Variants in CCDC88A observed in about 807,000 individuals in gnomAD.
CCDC88A encodes the protein girdin.
Under a neutral mutation model 234.3 loss-of-function variants are expected in CCDC88A, and 54 were observed. That is an observed-to-expected ratio of 0.23 (90% CI 0.19 to 0.29). The LOEUF is 0.29. Among genes scored for constraint, CCDC88A ranks in the 10% least tolerant of loss-of-function variants. The probability of loss-of-function intolerance (pLI) is 1.00; values close to 1 mark genes in which losing one functional copy is unlikely to be tolerated. For synonymous variants in CCDC88A, 753 were observed against 737.8 expected, an observed-to-expected ratio of 1.02 and a Z score of -0.33; for missense variants, 1,832 against 2,123.4, an observed-to-expected ratio of 0.86 and a Z score of 2.70.
intron 9 of CCDC88A, chr2:55,348,981 C>A (rs1373253159): frequency 6.6e-6 from 1 of 152,122 alleles, no homozygotes; most frequent in Non-Finnish European, 1.5e-5. Flanking sequence ...ACACTAACCC[C>A]AAATAAAAAT....
intron 8 of CCDC88A, 91 bp from the exon 9 acceptor site, chr2:55,349,690 T>A: frequency 1.2e-6 from 1 of 816,824 alleles, no homozygotes. Flanking sequence ...CATCACTAAA[T>A]AACTAGTTGG....
Position 55,297,284 on chromosome 2 carries a change from AAT to A in CCDC88A, c.4826-763_4826-762del, listed in dbSNP as rs70949099. ...GTGTATTTTTATATATATTATATAT[AAT>A]ATATATAATTTATATATAATTATAT... On this transcript the variant is annotated intron_variant, in intron 29 of 32. Transcript: ENST00000436346. 3.8e-4 allele frequency: 37 copies of A among 97,800 alleles called. 2 individuals are homozygous for A. The East Asian group carries it at 8.9e-3, about 24-fold the overall frequency. 6.1% of individuals were successfully genotyped at this position (97,800 alleles called of 1,614,324 possible). A position where few individuals can be genotyped will look rare whatever the true frequency, so the allele number is the denominator to read the frequency against.
At chr2:55,315,315 G>A (rs1246299278) in intron 22 of CCDC88A, 2 of 152,234 alleles carry the variant, frequency 1.3e-5, no homozygotes, top group Non-Finnish European at 2.9e-5. Context: ...GGAAGGAGAA[G>A]AGGAATGGGA....
chr2:55,376,188 T>C (rs530323801), intron 3 of CCDC88A, among the ~76,000 whole-genome samples: 14 of 152,300 alleles, frequency 9.2e-5, no homozygotes, highest in South Asian at 6.2e-4. Context: ...ACTGATGATA[T>C]GCAAAGGGTC....
intron 2 of CCDC88A, among the ~76,000 whole-genome samples, chr2:55,390,242 T>C (rs1277889973): frequency 6.6e-6 from 1 of 152,140 alleles, no homozygotes. Flanking sequence ...TCTTTGCTTT[T>C]GCATTGAATC....
intron 2 of CCDC88A, among the ~76,000 whole-genome samples, chr2:55,406,849 A>G (rs746489987): frequency 1.6e-4 from 24 of 152,204 alleles, no homozygotes; most frequent in Non-Finnish European, 2.9e-4. Context: ...AGGAGACATT[A>G]ACAGTTATGT....
chr2:55,326,898 G>C (rs373990497), intron 17 of CCDC88A, among the ~76,000 whole-genome samples: 9 of 152,262 alleles, frequency 5.9e-5, no homozygotes, highest in African/African-American at 9.6e-5. Context: ...ATATCTACTT[G>C]AAACACACGT....
intron 10 of CCDC88A, among the ~76,000 whole-genome samples, chr2:55,344,715 A>ACTGTTAACTACAGT: frequency 6.6e-6 from 1 of 152,192 alleles, no homozygotes; most frequent in Non-Finnish European, 1.5e-5. Flanking sequence ...TTCTTAAGAT[A>ACTGTTAACTACAGT]TATAATACTA....
intron 13 of CCDC88A, 107 bp downstream of exon 13, chr2:55,339,357 T>C: frequency 9.6e-7 from 1 of 1,042,974 alleles, no homozygotes; most frequent in East Asian, 2.7e-5. Flanking sequence ...CATAACAAGT[T>C]AAAATAACAT....
At position 55,296,390 on chromosome 2, in the gene CCDC88A, G is replaced by A; in HGVS notation, c.4959C>T (p.Ser1653=). ...IQYLKRQTRS[S]PVLQHKISET... ...CAGATATTTTGTGCTGGAGCACTGG[G>A]CTTGATCTGGTCTGTCTTTTCAAGT... is the stretch of plus-strand genomic sequence containing the variant. The change falls in exon 30 of 33, where the codon AGC becomes AGT. Residue 1653 remains serine, a synonymous_variant. Coordinates refer to ENST00000436346, the MANE Select transcript of CCDC88A (RefSeq NM_001365480.1). The A allele has an allele frequency of 6.2e-7, 1 of 1,614,156 alleles. No homozygotes were observed. The highest frequency in any genetic ancestry group is 8.5e-7 in the Non-Finnish European group (1 of 1,180,036).
chr2:55,415,111 T>A (rs1023181808), intron 2 of CCDC88A, among the ~76,000 whole-genome samples: 9 of 150,068 alleles, frequency 6.0e-5, no homozygotes, highest in Non-Finnish European at 3.0e-5. Context: ...ATCTCACATC[T>A]AAAAGCAGTA....
Position 55,397,991 on chromosome 2 carries a change from G to A in CCDC88A, c.165-9105C>T, listed in dbSNP as rs149778681. On this transcript the variant is annotated intron_variant, in intron 2 of 32. Coordinates refer to ENST00000436346, the MANE Select transcript of CCDC88A (RefSeq NM_001365480.1). ...TAGTTATATACTAATGATATCAGATGTAATTTTAGAAATCTGAAGAAAAAT... is the reference window on the plus strand; with the variant it reads ...TAGTTATATACTAATGATATCAGATATAATTTTAGAAATCTGAAGAAAAAT... Among the ~76,000 whole-genome samples the A allele has an allele frequency of 7.0e-3, 1,060 of 152,172 alleles. 11 individuals are homozygous for A. The highest frequency in any genetic ancestry group is 0.024 in the African/African-American group (996 of 41,532).
At chr2:55,398,288 T>C (rs1677965931) in intron 2 of CCDC88A, among the ~76,000 whole-genome samples, 1 of 152,226 alleles carries the variant, frequency 6.6e-6, no homozygotes, top group South Asian at 2.1e-4. Flanking sequence ...TAACTTCTGT[T>C]CTACATTGTA....
chr2:55,338,450 G>C (rs994930681), intron 13 of CCDC88A, among the ~76,000 whole-genome samples: 5 of 152,154 alleles, frequency 3.3e-5, no homozygotes, highest in Non-Finnish European at 7.4e-5. Flanking sequence ...TTTATGATGG[G>C]ATTCTATTTA....
At chr2:55,411,576 C>T (rs928522942) in intron 2 of CCDC88A, among the ~76,000 whole-genome samples, 6 of 151,672 alleles carry the variant, frequency 4.0e-5, no homozygotes, top group East Asian at 1.9e-4. Context: ...GTCAGGAGTT[C>T]GAAACCAGCC....
rs564488042 is a variant in CCDC88A at position 55,391,698 on chromosome 2, T to C, written c.165-2812A>G. Among the ~76,000 whole-genome samples, 3 of 152,158 alleles carry C rather than the reference T, an allele frequency of 2.0e-5. No individual in the cohort carries two copies. The East Asian group carries it at 5.8e-4, about 29-fold the overall frequency. On this transcript the variant is annotated intron_variant, in intron 2 of 32. Transcript: ENST00000436346. Reference sequence around the variant, plus strand: ...CAAACGATTAGTGAACTTGAAGACATTACAATAAAAACAGTCCAAAGAAGC... The same window carrying C: ...CAAACGATTAGTGAACTTGAAGACACTACAATAAAAACAGTCCAAAGAAGC...
In CCDC88A at chr2:55,334,954, T is replaced by G; in HGVS notation, c.1867A>C (p.Lys623Gln). The G allele has an allele frequency of 6.4e-7, 1 of 1,570,382 alleles. No homozygotes were observed. Among genetic ancestry groups the G allele is most frequent in the Non-Finnish European group, 8.7e-7 (1 of 1,154,372 alleles). ...IKKELEHYKE[K>Q]GERAEELENE... ...TCAAGTTCTTCAGCTCGTTCTCCTT[T>G]TTCTTTATAATGTTCCAATTCTTTT... The change falls in exon 15 of 33, where the codon AAA (lysine) becomes CAA (glutamine). Residue 623 changes from lysine (K) to glutamine (Q), a missense_variant. This residue lies in a region of CCDC88A where 1,282 missense variants were observed against 1,543.6 expected (regional missense o/e 0.83). Transcript: ENST00000436346. The surrounding 1 kb of genome is among the most constrained non-coding windows in gnomAD (Gnocchi z 6.1).
At chr2:55,378,806 C>T (rs1019347619) in intron 3 of CCDC88A, among the ~76,000 whole-genome samples, 17 of 150,202 alleles carry the variant, frequency 1.1e-4, no homozygotes, top group African/African-American at 4.2e-4. Flanking sequence ...AGTGCAGTGG[C>T]ACGTTCTTGG....
chr2:55,365,168 T>C (rs1338465887), intron 5 of CCDC88A, among the ~76,000 whole-genome samples: 1 of 152,110 alleles, frequency 6.6e-6, no homozygotes, highest in Non-Finnish European at 1.5e-5. Flanking sequence ...TTACCAGAAA[T>C]GTATAATTCC....
Sources: allele counts gnomAD v4.1 joint callset (sites outside exome capture counted in the v4.1 genomes callset), GRCh38; gene constraint gnomAD v4.1.1; regional missense constraint gnomAD v4.1.1; non-coding constraint Gnocchi (gnomAD v3.1); transcripts MANE v1.5; gene names NCBI Gene and HGNC (gene_info 2026-07-23, HGNC 2026-07-21).